Variants in GLIS3 observed in about 807,000 individuals in gnomAD.
The protein encoded by GLIS3 is GLIS family zinc finger 3.
Under a neutral mutation model 78.6 loss-of-function variants are expected in GLIS3, and 53 were observed. The ratio of observed to expected loss-of-function variants is 0.67; its 90% CI spans 0.54 to 0.85. GLIS3 has a LOEUF of 0.85. Among genes scored for constraint, GLIS3 ranks in the 40% least tolerant of loss-of-function variants. The pLI is 0.00. For missense variants in GLIS3, 1,703 were observed against 1,231.1 expected (o/e 1.38, Z -5.74); for synonymous variants, 684 against 509.9 (o/e 1.34, Z -4.60).
At chr9:4,093,631 C>T (rs763484860) in intron 4 of GLIS3, among the ~76,000 whole-genome samples, 11 of 152,154 alleles carry the variant, frequency 7.2e-5, no homozygotes, top group Non-Finnish European at 1.3e-4. Context: ...GCTATAAATA[C>T]TCAGAAGACT....
chr9:4,197,622 C>G lies in GLIS3; in HGVS notation c.389-71681G>C, dbSNP rs564561332. On this transcript the variant is annotated intron_variant, in intron 2 of 10. Coordinates refer to ENST00000381971, the MANE Select transcript of GLIS3 (RefSeq NM_001042413.2). Reference sequence around the variant, plus strand: ...GCTGGGGAAGTGTAGGCAAACCTGCCCAGTCCTGCCCTGCCCATCTTGCCA... The same window carrying G: ...GCTGGGGAAGTGTAGGCAAACCTGCGCAGTCCTGCCCTGCCCATCTTGCCA... 3.9e-5 allele frequency among the ~76,000 whole-genome samples: 6 copies of G among 152,300 alleles called. No homozygotes were observed. In the East Asian group the frequency reaches 9.7e-4, roughly 25 times the overall value.
At chr9:4,099,547 T>A (rs1334947571) in intron 4 of GLIS3, among the ~76,000 whole-genome samples, 4 of 152,212 alleles carry the variant, frequency 2.6e-5, no homozygotes, top group Non-Finnish European at 5.9e-5. Context: ...CATTTCAACT[T>A]GATTCCCTCT....
intron 1 of GLIS3, among the ~76,000 whole-genome samples, chr9:4,291,359 C>A (rs1815960085): frequency 6.6e-6 from 1 of 152,052 alleles, no homozygotes; most frequent in Admixed American, 6.6e-5. Context: ...CATGAGGGAC[C>A]TCACCTAATA....
At chr9:4,351,920 G>A (rs1184635127), upstream of GLIS3, among the ~76,000 whole-genome samples, 5 of 152,114 alleles carry the variant, frequency 3.3e-5, no homozygotes, top group African/African-American at 9.7e-5. Flanking sequence ...AAAACTAGTA[G>A]TGCCTGTATT....
Position 4,262,163 on chromosome 9 carries a change from A to C in GLIS3, c.388+23875T>G, listed in dbSNP as rs568668387. Among the ~76,000 whole-genome samples, 35 of 152,276 alleles carry C rather than the reference A, an allele frequency of 2.3e-4. 1 individual carries two copies. The highest frequency in any genetic ancestry group is 6.8e-3 in the Middle Eastern group (2 of 294). On this transcript the variant is annotated intron_variant, in intron 2 of 10. Transcript: ENST00000381971. ...GGATCTGGGAGCCATAGTGCAGTGC[A>C]AGGGGGAGAAAAAGGAAAAGGAGAC...
rs151243920 is a variant in GLIS3 at position 3,857,254 on chromosome 9, T to TAG, written c.2298-1072_2298-1071dup. ...TTAATCAGCTGTTCCTTACACTGTG[T>TAG]AGAAAGACAGGCTTTGTTTTGCAGT... On this transcript the variant is annotated intron_variant, in intron 8 of 10. Transcript: ENST00000381971. Among the ~76,000 whole-genome samples the TAG allele has an allele frequency of 6.5e-3, 992 of 152,320 alleles. 7 individuals are homozygous for TAG. Among genetic ancestry groups the TAG allele is most frequent in the African/African-American group, 0.019 (809 of 41,574 alleles).
At chr9:4,280,998 C>A (rs1457924996) in intron 2 of GLIS3, among the ~76,000 whole-genome samples, 1 of 152,030 alleles carries the variant, frequency 6.6e-6, no homozygotes, top group East Asian at 1.9e-4. Context: ...TTCCCCTAGG[C>A]CAAAAGAAAC....
At chr9:4,089,978 G>C (rs557828907) in intron 4 of GLIS3, among the ~76,000 whole-genome samples, 93 of 152,346 alleles carry the variant, frequency 6.1e-4, no homozygotes, top group South Asian at 4.1e-3. Context: ...GCCCACGGCA[G>C]AGGGGTGCAA....
intron 2 of GLIS3, among the ~76,000 whole-genome samples, chr9:4,257,240 G>A (rs1185263879): frequency 6.6e-6 from 1 of 151,986 alleles, no homozygotes; most frequent in African/African-American, 2.4e-5. Context: ...GCCACACAGA[G>A]AAAGAAAAAT....
intron 2 of GLIS3, among the ~76,000 whole-genome samples, chr9:4,153,070 A>G (rs906627517): frequency 3.3e-5 from 5 of 152,160 alleles, no homozygotes; most frequent in Non-Finnish European, 7.3e-5. Context: ...TACCCACTAG[A>G]TGCCAGTAGC....
rs1003225169 is a variant in GLIS3, at chr9:4,286,477, C to G, written c.-52G>C. 6.2e-7 allele frequency: 1 copy of G among 1,604,366 alleles called. No homozygotes were observed. The highest frequency in any genetic ancestry group is 1.1e-5 in the South Asian group (1 of 90,596). On this transcript the variant is annotated 5_prime_UTR_variant, in exon 2 of 11. Transcript: ENST00000381971. ...CAAATATCCAATGTCACTAATGACT[C>G]CTTTCAGGCAAAGTCCAATAAGTTA...
chr9:4,231,355 G>A (rs138201329), intron 2 of GLIS3, among the ~76,000 whole-genome samples: 2 of 152,272 alleles, frequency 1.3e-5, no homozygotes, highest in African/African-American at 2.4e-5. Context: ...AAGCATGGGA[G>A]AGAAGAGTCT....
At chr9:3,999,049 G>T (rs551202140) in intron 4 of GLIS3, among the ~76,000 whole-genome samples, 49 of 151,904 alleles carry the variant, frequency 3.2e-4, no homozygotes, top group African/African-American at 1.1e-3. Context: ...ATACTCTTTT[G>T]TACCTTGCTT....
the GLIS3 span, among the ~76,000 whole-genome samples, chr9:4,359,214 C>G: frequency 1.3e-3 from 191 of 152,262 alleles, 1 homozygote; most frequent in African/African-American, 4.2e-3. Flanking sequence ...CTGCATACAC[C>G]GAGATGAGCG....
intron 8 of GLIS3, among the ~76,000 whole-genome samples, chr9:3,861,581 T>C (rs1198070714): frequency 1.3e-5 from 2 of 152,064 alleles, no homozygotes; most frequent in Non-Finnish European, 2.9e-5. Context: ...GTGGTACATA[T>C]ACACCATGAA....
the GLIS3 span, among the ~76,000 whole-genome samples, chr9:4,436,090 G>A: frequency 2.0e-5 from 3 of 152,138 alleles, no homozygotes; most frequent in Admixed American, 6.6e-5. Context: ...CAGCACTGAC[G>A]CCAAAATATT....
At chr9:4,150,330 C>T (rs1426644426) in intron 2 of GLIS3, among the ~76,000 whole-genome samples, 1 of 152,170 alleles carries the variant, frequency 6.6e-6, no homozygotes, top group Non-Finnish European at 1.5e-5. Flanking sequence ...CTTTTACTAA[C>T]CAATAAAAAT....
intron 2 of GLIS3, among the ~76,000 whole-genome samples, chr9:4,130,248 C>T (rs1832875781): frequency 6.6e-6 from 1 of 152,086 alleles, no homozygotes; most frequent in Non-Finnish European, 1.5e-5. Context: ...ACAGCCTGGC[C>T]ATGTGGTAGA....
intron 2 of GLIS3, among the ~76,000 whole-genome samples, chr9:4,313,289 G>A (rs1274810814): frequency 1.3e-5 from 2 of 152,264 alleles, no homozygotes; most frequent in East Asian, 1.9e-4. Context: ...AGCCCACAGG[G>A]ATCTTAGTTT....
Sources: gnomAD v4.1 joint callset for allele counts (sites outside exome capture counted in the v4.1 genomes callset) on GRCh38, gnomAD v4.1.1 for gene constraint, MANE v1.5 for transcripts, NCBI Gene and HGNC (gene_info 2026-07-23, HGNC 2026-07-21) for gene names.